Variants in TOPBP1 observed in about 807,000 individuals in gnomAD.
TOPBP1 encodes the protein DNA topoisomerase II binding protein 1, also known as DNA topoisomerase 2-binding protein 1.
In TOPBP1, 28 loss-of-function variants were observed where a neutral mutation model predicts 167.7. That is an observed-to-expected ratio of 0.17 (90% confidence interval 0.12 to 0.23). The LOEUF (loss-of-function observed/expected upper bound fraction) is 0.23. Among genes scored for constraint, TOPBP1 ranks in the 10% least tolerant of loss-of-function variants. TOPBP1 has a pLI of 1.00. For missense variants in TOPBP1, 1,554 were observed against 1,809.6 expected (o/e 0.86, Z 2.56); for synonymous variants, 598 against 611.4 (o/e 0.98, Z 0.32).
chr3:133,648,449 C>T (rs10512908), intron 10 of TOPBP1, among the ~76,000 whole-genome samples: 21,464 of 152,226 alleles, frequency 0.14, 1,857 homozygotes, highest in Non-Finnish European at 0.2. Context: ...GACAAAATCA[C>T]ATAAGCTGAG....
chr3:133,659,773 T>C (rs1305661722), intron 2 of TOPBP1, among the ~76,000 whole-genome samples: 1 of 152,000 alleles, frequency 6.6e-6, no homozygotes, highest in Non-Finnish European at 1.5e-5. Flanking sequence ...TATATATATA[T>C]ATATAGTTTT....
rs534167088 is a variant in TOPBP1, at chr3:133,649,664, T to G, written c.1254-31A>C. On this transcript the variant is annotated intron_variant, in intron 9 of 27. Transcript: ENST00000260810. The stretch of plus-strand genomic sequence containing the variant: ...AAAATAGCACATAGTTATGTATTAG[T>G]GCAAGCTATAAAGACCATCATCCCA... 21 of 1,608,496 alleles carry G rather than the reference T, an allele frequency of 1.3e-5. No homozygotes were observed. In the East Asian group the frequency reaches 3.8e-4, roughly 29 times the overall value.
In TOPBP1 at chr3:133,600,621, T is replaced by G. The variant is rs1384574022; in HGVS notation, c.*629A>C. 1.3e-5 allele frequency: 2 copies of G among 152,650 alleles called. No homozygotes were observed. The highest frequency in any genetic ancestry group is 2.9e-5 in the Non-Finnish European group (2 of 68,048). The allele number at this position is 152,650 out of a possible 1,614,324, so 9.5% of individuals were successfully genotyped here. A position where few individuals can be genotyped will look rare whatever the true frequency, so the allele number is the denominator to read the frequency against. ...ATGCCAGGGTGCTCTTTTAAAAAATTTATCTATGTAAACACATCTTAATAC... is the reference window on the plus strand; with the variant it reads ...ATGCCAGGGTGCTCTTTTAAAAAATGTATCTATGTAAACACATCTTAATAC... On this transcript the variant is annotated 3_prime_UTR_variant, in exon 28 of 28. Coordinates refer to ENST00000260810, the MANE Select transcript of TOPBP1 (RefSeq NM_007027.4).
chr3:133,611,228 T>C (rs1934665172), intron 24 of TOPBP1, 87 bp from the exon 25 acceptor site: 1 of 1,207,646 alleles, frequency 8.3e-7, no homozygotes, highest in Non-Finnish European at 1.1e-6. Context: ...GCCCAAAGTC[T>C]AATAACTGTT....
rs1936730466 is a variant in TOPBP1 at position 133,661,804 on chromosome 3, G to C, written c.-43C>G. Reference sequence around the variant, plus strand: ...CCTCGGGGTCTCCGGGCGGCGAGTCGGGGGACGCGCTGGCCGCAGGGCGGT... The same window carrying C: ...CCTCGGGGTCTCCGGGCGGCGAGTCCGGGGACGCGCTGGCCGCAGGGCGGT... On this transcript the variant is annotated 5_prime_UTR_variant, in exon 1 of 28. Transcript: ENST00000260810. 1 of 152,578 alleles carries C rather than the reference G, an allele frequency of 6.6e-6. No individual in the cohort carries two copies. Among genetic ancestry groups the C allele is most frequent in the Admixed American group, 6.5e-5 (1 of 15,282 alleles). The allele number at this position is 152,578 out of a possible 1,614,324, so 9.5% of individuals were successfully genotyped here. A position where few individuals can be genotyped will look rare whatever the true frequency, so the allele number is the denominator to read the frequency against.
At chr3:133,622,975 C>T (rs1169982520) in intron 19 of TOPBP1, 116 bp downstream of exon 19, 4 of 578,940 alleles carry the variant, frequency 6.9e-6, no homozygotes, top group African/African-American at 3.8e-5. Context: ...CAGGAGGATC[C>T]TTTCAGCCCA....
At position 133,620,186 on chromosome 3, in the gene TOPBP1, T is replaced by C; in HGVS notation, c.3340A>G (p.Ser1114Gly). The change falls in exon 20 of 28, where the codon AGT (serine) becomes GGT (glycine). Residue 1114 changes from serine to glycine, a missense_variant. By Grantham distance (56) the Ser-to-Gly change is moderately conservative. Transcript: ENST00000260810. ...GCCTCTAGGACTCTACTTCGTCCAC[T>C]GCGAGCAGAGCGAGTGCTGTCAGGG... ...STPDSTRSARSGRSRVLEALR... is the reference protein window; with the variant it reads ...STPDSTRSARGGRSRVLEALR... 1 of 1,613,862 alleles carries C rather than the reference T, an allele frequency of 6.2e-7. No individual in the cohort carries two copies. The highest frequency in any genetic ancestry group is 8.5e-7 in the Non-Finnish European group (1 of 1,179,830).
At chr3:133,637,158 G>A (rs1156795689) in intron 14 of TOPBP1, among the ~76,000 whole-genome samples, 2 of 151,962 alleles carry the variant, frequency 1.3e-5, no homozygotes, top group South Asian at 2.1e-4. Flanking sequence ...ATATCAACAC[G>A]TGAATGAGTA....
At chr3:133,659,271 G>C (rs371811652) in intron 2 of TOPBP1, 121 bp from the exon 3 acceptor site, 183 of 1,009,760 alleles carry the variant, frequency 1.8e-4, no homozygotes, top group East Asian at 8.2e-4. Flanking sequence ...ATCTCACTTA[G>C]ACCTCTGCAG....
chr3:133,652,030 G>A (rs544878033), intron 8 of TOPBP1, among the ~76,000 whole-genome samples: 15 of 152,024 alleles, frequency 9.9e-5, no homozygotes, highest in East Asian at 3.9e-4. Flanking sequence ...TAACTGCTCG[G>A]GAGACTGAGG....
In TOPBP1 at chr3:133,623,439, G is replaced by A. The variant is rs1935165806; in HGVS notation, c.2947C>T (p.His983Tyr). 1 of 1,611,660 alleles carries A rather than the reference G, an allele frequency of 6.2e-7. No homozygotes were observed. The highest frequency in any genetic ancestry group is 1.7e-5 in the Admixed American group (1 of 59,690). Residue 983 changes from histidine to tyrosine, a missense_variant, in exon 18 of 28, where the codon CAT becomes TAT. Physicochemically the swap from His to Tyr is moderately conservative, Grantham distance 83. Around this residue, in one of 3 missense-constraint regions of TOPBP1, gnomAD observed 1,197 missense variants for 1,351.5 expected, o/e 0.89. Transcript: ENST00000260810. The stretch of plus-strand genomic sequence containing the variant: ...TGTGGATAAAGAGATTCAGGAAGAT[G>A]TTTACACTCTTGGGCACACTGCAAT... Reference protein sequence around the residue: ...WLLDCAQECKHLPESLYPHTY... With the variant: ...WLLDCAQECKYLPESLYPHTY...
intron 6 of TOPBP1, among the ~76,000 whole-genome samples, chr3:133,654,415 A>G (rs1936409270): frequency 6.6e-6 from 1 of 152,202 alleles, no homozygotes; most frequent in South Asian, 2.1e-4. Context: ...GTCACATGAA[A>G]GGTTTTTTGG....
chr3:133,640,261 G>A, intron 12 of TOPBP1, 91 bp from the exon 13 acceptor site: 3 of 1,055,382 alleles, frequency 2.8e-6, no homozygotes, highest in Middle Eastern at 2.6e-4. Context: ...TGTGGTTAGA[G>A]ATCATGTAAG....
chr3:133,617,351 G>A (rs1450380586), intron 21 of TOPBP1, 25 bp from the exon 22 acceptor site: 2 of 1,569,804 alleles, frequency 1.3e-6, no homozygotes, highest in Non-Finnish European at 1.7e-6. Context: ...ATGCTGCAGT[G>A]TGACAGGATC....
Position 133,659,208 on chromosome 3 carries a change from T to C in TOPBP1, c.85-58A>G, listed in dbSNP as rs1576318887. ...AAATTACTCTCCTGTATTTAGGTCC[T>C]ATTCAAATTCCATCTCAAATCCAGC... On this transcript the variant is annotated intron_variant, in intron 2 of 27. Transcript: ENST00000260810. 13 of 1,447,326 alleles carry C rather than the reference T, an allele frequency of 9.0e-6. No individual in the cohort carries two copies. The East Asian group carries it at 2.9e-4, about 33-fold the overall frequency. 89.7% of individuals were successfully genotyped at this position (1,447,326 alleles called of 1,614,324 possible).
intron 12 of TOPBP1, among the ~76,000 whole-genome samples, 181 bp from the exon 13 acceptor site, chr3:133,640,351 G>A (rs997325651): frequency 6.6e-6 from 1 of 152,164 alleles, no homozygotes; most frequent in African/African-American, 2.4e-5. Flanking sequence ...TTACTCTAGG[G>A]TAAAAATGTA....
chr3:133,607,022 C>A (rs1178333874), intron 27 of TOPBP1, among the ~76,000 whole-genome samples: 1 of 152,118 alleles, frequency 6.6e-6, no homozygotes, highest in Non-Finnish European at 1.5e-5. Flanking sequence ...ATTACAAACA[C>A]TCTGTACAAA....
At chr3:133,660,291 G>A (rs1936645867) in intron 2 of TOPBP1, among the ~76,000 whole-genome samples, 1 of 152,004 alleles carries the variant, frequency 6.6e-6, no homozygotes, top group Non-Finnish European at 1.5e-5. Context: ...ACCCCTTAAC[G>A]TGTTTTGCTT....
intron 10 of TOPBP1, among the ~76,000 whole-genome samples, chr3:133,645,307 T>A (rs916826465): frequency 6.6e-6 from 1 of 152,144 alleles, no homozygotes; most frequent in Non-Finnish European, 1.5e-5. Flanking sequence ...GTCTAGGGAG[T>A]TTACTGGTCA....
Sources: allele counts gnomAD v4.1 joint callset (sites outside exome capture counted in the v4.1 genomes callset), GRCh38; gene constraint gnomAD v4.1.1; regional missense constraint gnomAD v4.1.1; transcripts MANE v1.5; gene names NCBI Gene and HGNC (gene_info 2026-07-23, HGNC 2026-07-21).